ABLIM3: variants seen among roughly 807,000 people sequenced by gnomAD.
ABLIM3 encodes the protein actin binding LIM protein family member 3.
ABLIM3 carries 61 observed loss-of-function variants against 109.5 expected under a neutral mutation model. The ratio of observed to expected loss-of-function variants is 0.56; its 90% CI spans 0.45 to 0.69. The LOEUF (loss-of-function observed/expected upper bound fraction) is 0.69, where lower values mean the gene tolerates loss of function less well. Among genes scored for constraint, ABLIM3 ranks in the 30% least tolerant of loss-of-function variants. The pLI is 0.00. For missense variants in ABLIM3, 796 were observed against 889.5 expected (o/e 0.89, Z 1.34); for synonymous variants, 300 against 324.8 (o/e 0.92, Z 0.82).
intron 2 of ABLIM3, among the ~76,000 whole-genome samples, chr5:149,150,671 C>A (rs1348746285): frequency 1.3e-5 from 2 of 152,218 alleles, no homozygotes; most frequent in South Asian, 4.1e-4. Context: ...TATTACCCAA[C>A]TTTAGGCAGA....
intron 15 of ABLIM3, 180 bp from the exon 16 acceptor site, chr5:149,244,700 GA>G: frequency 4.3e-6 from 3 of 699,058 alleles, no homozygotes; most frequent in Non-Finnish European, 7.2e-6. Flanking sequence ...AATGCAAAAT[GA>G]GGGTTTGGCC....
intron 5 of ABLIM3, among the ~76,000 whole-genome samples, chr5:149,203,253 C>A (rs1446891131): frequency 6.6e-6 from 1 of 151,954 alleles, no homozygotes; most frequent in Non-Finnish European, 1.5e-5. Flanking sequence ...TCATCACCAC[C>A]AACACCACTG....
chr5:149,231,419 T>TTGGGGGA (rs1761846850), intron 9 of ABLIM3, among the ~76,000 whole-genome samples: 1 of 152,172 alleles, frequency 6.6e-6, no homozygotes, highest in South Asian at 2.1e-4. Context: ...GGGGTGTGTG[T>TTGGGGGA]TGGGGGATGG....
At chr5:149,215,074 G>T (rs529322311) in intron 7 of ABLIM3, among the ~76,000 whole-genome samples, 82 of 152,326 alleles carry the variant, frequency 5.4e-4, no homozygotes, top group African/African-American at 1.9e-3. Context: ...GACTGGGGCT[G>T]CTGAGATGGG....
At chr5:149,239,640 A>C in intron 12 of ABLIM3, 119 bp from the exon 13 acceptor site, 1 of 1,402,638 alleles carries the variant, frequency 7.1e-7, no homozygotes, top group African/African-American at 1.5e-5. Flanking sequence ...GGGTCTCTGT[A>C]TTCACACCTC....
intron 2 of ABLIM3, among the ~76,000 whole-genome samples, chr5:149,170,255 T>C (rs1755268516): frequency 6.6e-6 from 1 of 151,394 alleles, no homozygotes; most frequent in African/African-American, 2.4e-5. Context: ...TCTCTCTCTC[T>C]CTCTCTCTCC....
intron 8 of ABLIM3, among the ~76,000 whole-genome samples, chr5:149,223,492 T>C (rs1236680895): frequency 1.3e-5 from 2 of 152,206 alleles, no homozygotes; most frequent in Non-Finnish European, 1.5e-5. Context: ...ACTCAAGCTA[T>C]GTTAGGCAAA....
chr5:149,227,330 T>C (rs986146248), intron 8 of ABLIM3, among the ~76,000 whole-genome samples: 1 of 152,182 alleles, frequency 6.6e-6, no homozygotes, highest in Non-Finnish European at 1.5e-5. Flanking sequence ...TTCACTTCCA[T>C]AACCTTCATA....
chr5:149,157,377 C>T lies in ABLIM3; in HGVS notation c.13+15269C>T, dbSNP rs542406197. 9.2e-5 allele frequency among the ~76,000 whole-genome samples: 14 copies of T among 152,250 alleles called. No homozygotes were observed. The East Asian group carries it at 2.7e-3, about 29-fold the overall frequency. On this transcript the variant is annotated intron_variant, in intron 2 of 23. Transcript: ENST00000309868. ...CCCGATTCACATTTCCTACTCACAG[C>T]CCACATGCCTTGTAGCCTAATATGA...
At chr5:149,188,077 T>C (rs1757142170) in intron 3 of ABLIM3, among the ~76,000 whole-genome samples, 2 of 152,232 alleles carry the variant, frequency 1.3e-5, no homozygotes, top group Non-Finnish European at 2.9e-5. Flanking sequence ...CGAAATTTTA[T>C]ATATAACATT....
Position 149,161,890 on chromosome 5 carries a change from C to CTG in ABLIM3, c.13+19796_13+19797dup, listed in dbSNP as rs368344944. Reference sequence around the variant, plus strand: ...TTGTGTGTGTGTGTGTATGCGTGGGCTGTGTGTGTGTGTGTATGTGTATGT... The same window carrying CTG: ...TTGTGTGTGTGTGTGTATGCGTGGGCTGTGTGTGTGTGTGTGTATGTGTATGT... On this transcript the variant is annotated intron_variant, in intron 2 of 23. Coordinates refer to ENST00000309868, the MANE Select transcript of ABLIM3 (RefSeq NM_014945.5). Among the ~76,000 whole-genome samples, 728 of 150,020 alleles carry CTG rather than the reference C, an allele frequency of 4.9e-3. 4 individuals are homozygous for CTG. Among genetic ancestry groups the CTG allele is most frequent in the Non-Finnish European group, 6.5e-3 (440 of 67,284 alleles).
chr5:149,231,996 C>T (rs962930458), intron 9 of ABLIM3, among the ~76,000 whole-genome samples: 2 of 152,154 alleles, frequency 1.3e-5, no homozygotes, highest in African/African-American at 4.8e-5. Flanking sequence ...ATGTTGTCTG[C>T]ACTCTCTTTG....
rs115998401 is a variant in ABLIM3 at position 149,259,408 on chromosome 5, C to A, written c.*1004C>A. On this transcript the variant is annotated 3_prime_UTR_variant, in exon 24 of 24. Coordinates refer to ENST00000309868, the MANE Select transcript of ABLIM3 (RefSeq NM_014945.5). ...GAACAACCAGACAGACAACTCTCATCATCCTCCAGAGAGAAAATAGGCCGT... is the reference window on the plus strand; with the variant it reads ...GAACAACCAGACAGACAACTCTCATAATCCTCCAGAGAGAAAATAGGCCGT... 1.8e-4 allele frequency: 262 copies of A among 1,495,392 alleles called. 1 individual carries two copies. In the African/African-American group the frequency reaches 2.9e-3, roughly 16 times the overall value. 92.6% of individuals were successfully genotyped at this position (1,495,392 alleles called of 1,614,324 possible). A position where few individuals can be genotyped will look rare whatever the true frequency, so the allele number is the denominator to read the frequency against.
At chr5:149,231,424 G>T (rs1030440328) in intron 9 of ABLIM3, among the ~76,000 whole-genome samples, 1 of 152,148 alleles carries the variant, frequency 6.6e-6, no homozygotes, top group African/African-American at 2.4e-5. Flanking sequence ...GTGTGTTGGG[G>T]GATGGGGAAT....
At chr5:149,186,619 C>G (rs1420505708) in intron 3 of ABLIM3, among the ~76,000 whole-genome samples, 1 of 152,102 alleles carries the variant, frequency 6.6e-6, no homozygotes, top group Non-Finnish European at 1.5e-5. Flanking sequence ...TGATACTCCT[C>G]TTTGGAGGAA....
intron 3 of ABLIM3, among the ~76,000 whole-genome samples, chr5:149,193,076 T>G (rs1403382423): frequency 1.3e-5 from 2 of 152,130 alleles, no homozygotes; most frequent in Admixed American, 1.3e-4. Context: ...TAGATTTTTA[T>G]TCAAACAACT....
intron 2 of ABLIM3, among the ~76,000 whole-genome samples, chr5:149,150,532 A>G (rs550689810): frequency 6.6e-6 from 1 of 152,330 alleles, no homozygotes; most frequent in East Asian, 1.9e-4. Flanking sequence ...GAAAAATCAC[A>G]ACGTGATTTC....
chr5:149,201,271 G>C (rs950891975), intron 5 of ABLIM3, among the ~76,000 whole-genome samples: 1 of 152,074 alleles, frequency 6.6e-6, no homozygotes, highest in Non-Finnish European at 1.5e-5. Flanking sequence ...CCTTGGTCTT[G>C]GTAAGCCACA....
intron 2 of ABLIM3, among the ~76,000 whole-genome samples, chr5:149,178,568 C>G (rs1450774815): frequency 6.6e-6 from 1 of 152,142 alleles, no homozygotes; most frequent in Non-Finnish European, 1.5e-5. Flanking sequence ...TAAAGACACT[C>G]TATTAAAATG....
Sources: allele counts gnomAD v4.1 joint callset (sites outside exome capture counted in the v4.1 genomes callset), GRCh38; gene constraint gnomAD v4.1.1; transcripts MANE v1.5; gene names NCBI Gene and HGNC (gene_info 2026-07-23, HGNC 2026-07-21).